CSMD1: variants seen among roughly 807,000 people sequenced by gnomAD.
CSMD1 encodes CUB and Sushi multiple domains 1, also known as CUB and sushi domain-containing protein 1.
Under a neutral mutation model 417.5 loss-of-function variants are expected in CSMD1, and 213 were observed. That is an observed-to-expected ratio of 0.51 (90% confidence interval 0.46 to 0.57). The LOEUF is 0.57. Ranked by LOEUF, CSMD1 falls within the 20% of genes least tolerant of loss-of-function variation. The pLI is 0.00. For synonymous variants in CSMD1, 2,862 were observed against 1,736.8 expected, an observed-to-expected ratio of 1.65 and a Z score of -16.11; for missense variants, 6,923 against 4,529.7, an observed-to-expected ratio of 1.53 and a Z score of -15.17.
At chr8:4,355,793 T>A (rs187105705) in intron 3 of CSMD1, among the ~76,000 whole-genome samples, 33 of 152,298 alleles carry the variant, frequency 2.2e-4, no homozygotes, top group East Asian at 5.8e-4. Flanking sequence ...CATGTGCTAC[T>A]AACCTGGCTG....
rs543281118 is a variant in CSMD1 at position 3,390,314 on chromosome 8, C to G, written c.2594-2632G>C. 2.0e-4 allele frequency among the ~76,000 whole-genome samples: 27 copies of G among 132,718 alleles called. 1 individual carries two copies. Among genetic ancestry groups the G allele is most frequent in the Non-Finnish European group, 7.7e-5 (5 of 64,784 alleles). The allele number at this position is 132,718 out of a possible 152,430, so 87.1% of individuals were successfully genotyped here. A position where few individuals can be genotyped will look rare whatever the true frequency, so the allele number is the denominator to read the frequency against. ...AGGATGCAGTGAGCCAAGGTTGTGC[C>G]GTTGCATTCCAGCCTGGGCGACAGA... On this transcript the variant is annotated intron_variant, in intron 17 of 69. Coordinates refer to ENST00000635120, the MANE Select transcript of CSMD1 (RefSeq NM_033225.6).
chr8:4,885,918 G>A (rs1465348696), intron 1 of CSMD1, among the ~76,000 whole-genome samples: 2 of 152,022 alleles, frequency 1.3e-5, no homozygotes, highest in Admixed American at 6.6e-5. Context: ...TTATGCCTGT[G>A]TTTTCTTTGT....
At chr8:3,280,276 G>A (rs538468353) in intron 26 of CSMD1, among the ~76,000 whole-genome samples, 10 of 152,300 alleles carry the variant, frequency 6.6e-5, no homozygotes, top group African/African-American at 2.4e-4. Context: ...ATGGAAGACA[G>A]AAATGTCCTT....
At chr8:4,803,566 A>C (rs1450001558) in intron 1 of CSMD1, among the ~76,000 whole-genome samples, 1 of 152,192 alleles carries the variant, frequency 6.6e-6, no homozygotes, top group Non-Finnish European at 1.5e-5. Context: ...TTTTATTTAT[A>C]AAATCGAAAG....
chr8:3,537,388 A>G (rs558281228), intron 10 of CSMD1, among the ~76,000 whole-genome samples: 489 of 152,318 alleles, frequency 3.2e-3, no homozygotes, highest in Non-Finnish European at 4.9e-3. Flanking sequence ...ATACATCATA[A>G]GTTATCATGC....
chr8:3,175,903 A>G (rs1182343171), intron 37 of CSMD1, among the ~76,000 whole-genome samples: 1 of 152,228 alleles, frequency 6.6e-6, no homozygotes, highest in African/African-American at 2.4e-5. Context: ...AAAACCTTAC[A>G]TAGAATTACT....
At position 4,435,255 on chromosome 8, in the gene CSMD1, A is replaced by G. The variant is rs144638698; in HGVS notation, c.303-15190T>C. On this transcript the variant is annotated intron_variant, in intron 2 of 69. Coordinates refer to ENST00000635120, the MANE Select transcript of CSMD1 (RefSeq NM_033225.6). ...AAACCTTGAAAAAAATGTATGTTTTATAAGTACTTTGTTAATCCACCTACT... is the reference window on the plus strand; with the variant it reads ...AAACCTTGAAAAAAATGTATGTTTTGTAAGTACTTTGTTAATCCACCTACT... 6.9e-3 allele frequency among the ~76,000 whole-genome samples: 1,050 copies of G among 152,316 alleles called. 9 individuals carry two copies. The highest frequency in any genetic ancestry group is 0.023 in the African/African-American group (967 of 41,576).
intron 10 of CSMD1, among the ~76,000 whole-genome samples, chr8:3,517,564 C>G (rs1397691839): frequency 6.6e-6 from 1 of 152,112 alleles, no homozygotes; most frequent in Admixed American, 6.5e-5. Flanking sequence ...AGTCTCATTC[C>G]ACACTGCTGT....
chr8:4,591,675 G>C (rs1240692878), intron 2 of CSMD1, among the ~76,000 whole-genome samples: 2 of 152,160 alleles, frequency 1.3e-5, no homozygotes, highest in East Asian at 1.9e-4. Context: ...TGTCAGATTG[G>C]AACAGGCCTG....
intron 3 of CSMD1, among the ~76,000 whole-genome samples, chr8:4,396,446 G>C (rs895815940): frequency 6.6e-6 from 1 of 152,106 alleles, no homozygotes; most frequent in African/African-American, 2.4e-5. Flanking sequence ...TAGCCTGGTG[G>C]GCTACAGAGT....
chr8:4,537,557 A>G (rs1288712224), intron 2 of CSMD1, among the ~76,000 whole-genome samples: 2 of 152,212 alleles, frequency 1.3e-5, no homozygotes, highest in African/African-American at 4.8e-5. Flanking sequence ...ATTAGTTTTC[A>G]AGTTGAAAAC....
chr8:3,129,329 C>T (rs976396430), intron 41 of CSMD1, among the ~76,000 whole-genome samples: 4 of 152,204 alleles, frequency 2.6e-5, no homozygotes, highest in African/African-American at 4.8e-5. Flanking sequence ...GACCTGTGCT[C>T]TAGATGATTC....
rs547103843 is a variant in CSMD1 at position 3,096,893 on chromosome 8, G to C, written c.7094C>G (p.Thr2365Arg). ...ATCAAACTGCTTTTCACTTTGAAAT[G>C]TGTCCACAAAGATGGTAATGTTGTA... The part of the protein sequence containing the change: ...PNYNITIFVD[T>R]FQSEKQFDAL... Residue 2365 changes from threonine (T) to arginine (R), a missense_variant, in exon 47 of 70, where the codon ACA becomes AGA. Transcript: ENST00000635120. 1.9e-6 allele frequency: 3 copies of C among 1,557,212 alleles called. No individual in the cohort carries two copies. Among genetic ancestry groups the C allele is most frequent in the African/African-American group, 1.4e-5 (1 of 73,566 alleles).
intron 2 of CSMD1, among the ~76,000 whole-genome samples, chr8:4,621,817 A>C (rs1380605395): frequency 6.6e-6 from 1 of 152,126 alleles, no homozygotes; most frequent in Non-Finnish European, 1.5e-5. Flanking sequence ...TATTTGAAAA[A>C]TCTAGTGTAC....
Position 3,160,274 on chromosome 8 carries a change from C to T in CSMD1, c.5844+1885G>A, listed in dbSNP as rs191864466. ...GGTAACTGGGACTAAAGGAATGCGC[C>T]GCCATGCCCAGCTCATTTTTGTATT... On this transcript the variant is annotated intron_variant, in intron 38 of 69. Coordinates refer to ENST00000635120, the MANE Select transcript of CSMD1 (RefSeq NM_033225.6). 1.2e-3 allele frequency among the ~76,000 whole-genome samples: 183 copies of T among 152,254 alleles called. 1 individual carries two copies. Among genetic ancestry groups the T allele is most frequent in the Non-Finnish European group, 2.2e-3 (148 of 68,028 alleles).
At chr8:3,128,354 A>G (rs911453177) in intron 41 of CSMD1, 9 of 152,976 alleles carry the variant, frequency 5.9e-5, no homozygotes, top group African/African-American at 1.9e-4. Flanking sequence ...TGATTTTACC[A>G]AAGTTCTTAA....
chr8:3,942,961 T>C (rs1320156389), intron 5 of CSMD1, among the ~76,000 whole-genome samples: 3 of 152,124 alleles, frequency 2.0e-5, no homozygotes, highest in Admixed American at 6.6e-5. Flanking sequence ...GACTTAGATA[T>C]ATTGTGACAG....
intron 7 of CSMD1, among the ~76,000 whole-genome samples, chr8:3,677,715 G>A (rs1447690281): frequency 6.6e-6 from 1 of 152,102 alleles, no homozygotes; most frequent in African/African-American, 2.4e-5. Context: ...TTTTGTTCTG[G>A]AAGTCTGTCT....
intron 41 of CSMD1, among the ~76,000 whole-genome samples, chr8:3,138,152 G>T (rs2129029673): frequency 6.6e-6 from 1 of 152,308 alleles, no homozygotes; most frequent in East Asian, 1.9e-4. Context: ...CTTGAACCTG[G>T]GAGGCAGAGG....
Sources: gnomAD v4.1 joint callset for allele counts (sites outside exome capture counted in the v4.1 genomes callset) on GRCh38, gnomAD v4.1.1 for gene constraint, MANE v1.5 for transcripts, NCBI Gene and HGNC (gene_info 2026-07-23, HGNC 2026-07-21) for gene names.